Variants in LARP1B observed in about 807,000 individuals in gnomAD.
LARP1B encodes La ribonucleoprotein 1B.
In LARP1B, 76 loss-of-function variants were observed where a neutral mutation model predicts 114.2. The ratio of observed to expected loss-of-function variants is 0.67; its 90% CI spans 0.55 to 0.81. The LOEUF is 0.81. Among genes scored for constraint, LARP1B ranks in the 30% least tolerant of loss-of-function variants. The pLI, the probability that LARP1B is intolerant of heterozygous loss-of-function variation, is 0.00. For synonymous variants in LARP1B, 345 were observed against 348.0 expected, an observed-to-expected ratio of 0.99 and a Z score of 0.10; for missense variants, 1,014 against 1,075.8, an observed-to-expected ratio of 0.94 and a Z score of 0.80.
At chr4:128,207,120 T>C (rs1757829342) in intron 18 of LARP1B, 136 bp from the exon 19 acceptor site, 2 of 448,054 alleles carry the variant, frequency 4.5e-6, no homozygotes, top group East Asian at 7.5e-5. Flanking sequence ...GTTAATTCAT[T>C]ACATGTCTTA....
chr4:128,080,547 G>A (rs1769931189), intron 4 of LARP1B, among the ~76,000 whole-genome samples: 1 of 152,228 alleles, frequency 6.6e-6, no homozygotes, highest in East Asian at 1.9e-4. Flanking sequence ...TATTGTAGTT[G>A]CACACTAATA....
At chr4:128,069,546 C>T in intron 1 of LARP1B, 1 of 743,186 alleles carries the variant, frequency 1.3e-6, no homozygotes, top group Non-Finnish European at 2.5e-6. Context: ...GTGGTACTGC[C>T]AGCAACCAAC....
In LARP1B at chr4:128,202,321, A is replaced by T. The variant is rs528418079; in HGVS notation, c.2309+1656A>T. ...CTACCTATTCGTCAATTGTAAAATCAATTGAGTGGTTCTAACATGCTTTAA... is the reference window on the plus strand; with the variant it reads ...CTACCTATTCGTCAATTGTAAAATCTATTGAGTGGTTCTAACATGCTTTAA... On this transcript the variant is annotated intron_variant, in intron 17 of 19. Coordinates refer to ENST00000326639, the MANE Select transcript of LARP1B (RefSeq NM_018078.4). 2.7e-3 allele frequency among the ~76,000 whole-genome samples: 415 copies of T among 152,344 alleles called. 3 individuals are homozygous for T. Among genetic ancestry groups the T allele is most frequent in the African/African-American group, 9.5e-3 (393 of 41,572 alleles).
At chr4:128,153,987 A>C (rs1734184260) in intron 11 of LARP1B, among the ~76,000 whole-genome samples, 1 of 152,158 alleles carries the variant, frequency 6.6e-6, no homozygotes, top group South Asian at 2.1e-4. Context: ...ATTCATTCCT[A>C]CTGCCATGCG....
intron 15 of LARP1B, among the ~76,000 whole-genome samples, chr4:128,190,488 C>T (rs1751888532): frequency 6.6e-6 from 1 of 152,046 alleles, no homozygotes; most frequent in Non-Finnish European, 1.5e-5. Flanking sequence ...AATTGTAATT[C>T]CCATAATCCC....
intron 11 of LARP1B, among the ~76,000 whole-genome samples, chr4:128,152,733 C>T (rs1733457104): frequency 6.6e-6 from 1 of 151,542 alleles, no homozygotes; most frequent in South Asian, 2.1e-4. Context: ...GATTTCTATC[C>T]ATTCTTGTCC....
chr4:128,168,745 G>A (rs959431969), intron 12 of LARP1B, among the ~76,000 whole-genome samples: 3 of 149,712 alleles, frequency 2.0e-5, no homozygotes, highest in African/African-American at 7.4e-5. Flanking sequence ...GAAGCCTTTT[G>A]TACTATATTC....
intron 11 of LARP1B, among the ~76,000 whole-genome samples, chr4:128,133,220 G>T (rs1792128878): frequency 6.6e-6 from 1 of 152,200 alleles, no homozygotes; most frequent in Non-Finnish European, 1.5e-5. Context: ...TGGTTACCAG[G>T]TTTCTTTTGG....
chr4:128,173,553 C>A (rs1330153212), intron 12 of LARP1B, among the ~76,000 whole-genome samples: 2 of 152,134 alleles, frequency 1.3e-5, no homozygotes, highest in African/African-American at 4.8e-5. Flanking sequence ...GTGCAATGAT[C>A]TGATTTGGTA....
intron 12 of LARP1B, among the ~76,000 whole-genome samples, chr4:128,165,542 A>C (rs903568148): frequency 2.6e-5 from 4 of 152,238 alleles, no homozygotes; most frequent in African/African-American, 9.6e-5. Flanking sequence ...ATATAAAAGA[A>C]TGATCCTAAT....
chr4:128,206,280 G>A, intron 17 of LARP1B, 148 bp from the exon 18 acceptor site: 1 of 502,536 alleles, frequency 2.0e-6, no homozygotes, highest in Non-Finnish European at 3.4e-6. Context: ...CAACAAGAGT[G>A]AGACTCTGTC....
chr4:128,078,506 C>T (rs2149425129), intron 4 of LARP1B, among the ~76,000 whole-genome samples: 1 of 151,612 alleles, frequency 6.6e-6, no homozygotes, highest in African/African-American at 2.4e-5. Context: ...GAGGCTGAGG[C>T]AGGAGAATTG....
At chr4:128,147,578 A>G (rs1730918316) in intron 11 of LARP1B, among the ~76,000 whole-genome samples, 1 of 152,254 alleles carries the variant, frequency 6.6e-6, no homozygotes, top group Non-Finnish European at 1.5e-5. Context: ...TGCCTCTTAA[A>G]TAATGAAATC....
chr4:128,197,423 C>T (rs1754546467), intron 15 of LARP1B, among the ~76,000 whole-genome samples: 2 of 152,158 alleles, frequency 1.3e-5, no homozygotes, highest in Admixed American at 6.5e-5. Context: ...CAGCTGGGCG[C>T]AGTAGCTTAC....
intron 11 of LARP1B, among the ~76,000 whole-genome samples, chr4:128,142,818 A>ATT (rs1054555251): frequency 5.3e-5 from 8 of 151,772 alleles, no homozygotes; most frequent in African/African-American, 1.7e-4. Context: ...TATGTTGTAT[A>ATT]TTTCAAAATA....
chr4:128,073,323 G>A (rs1037589118), intron 1 of LARP1B, among the ~76,000 whole-genome samples: 2 of 148,900 alleles, frequency 1.3e-5, no homozygotes, highest in African/African-American at 5.0e-5. Context: ...GGCTGAGGCA[G>A]GAGAATGGCT....
At chr4:128,093,432 TAA>T (rs1165215424) in intron 7 of LARP1B, among the ~76,000 whole-genome samples, 1 of 151,896 alleles carries the variant, frequency 6.6e-6, no homozygotes, top group Admixed American at 6.6e-5. Context: ...CCGTCTCTAC[TAA>T]AAATACAAAA....
At chr4:128,091,575 G>T in intron 7 of LARP1B, 63 bp downstream of exon 7, 3 of 1,277,470 alleles carry the variant, frequency 2.3e-6, no homozygotes, top group South Asian at 1.6e-5. Context: ...GAACTTTAAT[G>T]TCATTGATAA....
Position 128,162,231 on chromosome 4 carries a change from G to A in LARP1B, c.1562G>A (p.Ser521Asn). ...AACTTTAAGAAGCTAAATCTCATTA[G>A]TAAAGAGCAGTTTGAAAACCTAACA... ...VENFKKLNLI[S>N]KEQFENLTPE... Residue 521 changes from serine (S) to asparagine (N), a missense_variant, in exon 12 of 20, where the codon AGT becomes AAT. By Grantham distance (46) the Ser-to-Asn change is conservative. Transcript: ENST00000326639. The A allele has an allele frequency of 6.2e-7, 1 of 1,612,552 alleles. No homozygotes were observed. Among genetic ancestry groups the A allele is most frequent in the East Asian group, 2.2e-5 (1 of 44,796 alleles).
Sources: allele counts gnomAD v4.1 joint callset (sites outside exome capture counted in the v4.1 genomes callset), GRCh38; gene constraint gnomAD v4.1.1; transcripts MANE v1.5; gene names NCBI Gene and HGNC (gene_info 2026-07-23, HGNC 2026-07-21).